Variants in ZNF280D observed in about 807,000 individuals in gnomAD.
The protein encoded by ZNF280D is suppressor of hairy wing homolog 4.
ZNF280D carries 39 observed loss-of-function variants against 94.7 expected under a neutral mutation model. The observed-to-expected ratio is 0.41, with a 90% CI of 0.32 to 0.54. ZNF280D has a LOEUF of 0.54. Among genes scored for constraint, ZNF280D ranks in the 20% least tolerant of loss-of-function variants. ZNF280D has a pLI of 0.22. For missense variants in ZNF280D, 1,090 were observed against 1,149.3 expected (o/e 0.95, Z 0.75); for synonymous variants, 398 against 377.6 (o/e 1.05, Z -0.63).
intron 19 of ZNF280D, chr15:56,653,040 G>C: frequency 4.1e-6 from 4 of 967,418 alleles, no homozygotes; most frequent in Non-Finnish European, 4.9e-6. Flanking sequence ...CAAAATGCAA[G>C]AATCGGTATT....
At chr15:56,718,331 C>T (rs944252467) in intron 1 of ZNF280D, among the ~76,000 whole-genome samples, 1 of 151,980 alleles carries the variant, frequency 6.6e-6, no homozygotes, top group Non-Finnish European at 1.5e-5. Flanking sequence ...AAGTAACAGC[C>T]AACAATCTTA....
At position 56,638,734 on chromosome 15, in the gene ZNF280D, T is replaced by G. The variant is rs1035740978; in HGVS notation, c.2260-3484A>C. Reference sequence around the variant, plus strand: ...TTATTATTTTTATTTTTGACAATAGTTTTAAAATATCATTATTTCAATTTC... The same window carrying G: ...TTATTATTTTTATTTTTGACAATAGGTTTAAAATATCATTATTTCAATTTC... On this transcript the variant is annotated intron_variant, in intron 20 of 21. Transcript: ENST00000267807. Among the ~76,000 whole-genome samples, 5 of 152,304 alleles carry G rather than the reference T, an allele frequency of 3.3e-5. No homozygotes were observed. In the South Asian group the frequency reaches 1.0e-3, roughly 32 times the overall value.
At chr15:56,728,116 A>G (rs1346391083) in intron 1 of ZNF280D, among the ~76,000 whole-genome samples, 1 of 151,860 alleles carries the variant, frequency 6.6e-6, no homozygotes, top group Non-Finnish European at 1.5e-5. Flanking sequence ...ACTGCAACCC[A>G]GACCTGAAGC....
In ZNF280D at chr15:56,709,619, T is replaced by A. The variant is rs907138865; in HGVS notation, c.-85-2313A>T. Among the ~76,000 whole-genome samples the A allele has an allele frequency of 7.2e-5, 11 of 152,156 alleles. No homozygotes were observed. The East Asian group carries it at 1.7e-3, about 24-fold the overall frequency. Reference sequence around the variant, plus strand: ...GACTTGGAACCAACCCAAATGTCCATCAACGATAGATTGGATTAAGAAAAT... The same window carrying A: ...GACTTGGAACCAACCCAAATGTCCAACAACGATAGATTGGATTAAGAAAAT... On this transcript the variant is annotated intron_variant, in intron 1 of 21. Coordinates refer to ENST00000267807, the MANE Select transcript of ZNF280D (RefSeq NM_017661.4).
intron 3 of ZNF280D, among the ~76,000 whole-genome samples, chr15:56,706,575 C>T (rs2057417026): frequency 6.6e-6 from 1 of 152,056 alleles, no homozygotes; most frequent in African/African-American, 2.4e-5. Context: ...CAGAAGAAAT[C>T]AATCCTAACG....
intron 17 of ZNF280D, among the ~76,000 whole-genome samples, chr15:56,656,699 A>G (rs893625668): frequency 1.3e-5 from 2 of 152,204 alleles, no homozygotes; most frequent in Admixed American, 6.5e-5. Context: ...TAATTTATTC[A>G]ACAAATATTT....
At chr15:56,659,411 T>G (rs1211048031) in intron 16 of ZNF280D, among the ~76,000 whole-genome samples, 1 of 152,130 alleles carries the variant, frequency 6.6e-6, no homozygotes, top group Non-Finnish European at 1.5e-5. Context: ...TTTCACTTTC[T>G]GTGGCTTCTG....
chr15:56,725,346 C>T (rs2058578877), intron 1 of ZNF280D, among the ~76,000 whole-genome samples: 1 of 151,834 alleles, frequency 6.6e-6, no homozygotes, highest in Non-Finnish European at 1.5e-5. Flanking sequence ...AAACCCCAAA[C>T]CTGAGAAATT....
intron 6 of ZNF280D, chr15:56,700,190 A>C: frequency 5.1e-6 from 5 of 977,766 alleles, no homozygotes; most frequent in Non-Finnish European, 6.1e-6. Flanking sequence ...ACATTTATAC[A>C]CAACATATAT....
intron 9 of ZNF280D, among the ~76,000 whole-genome samples, chr15:56,688,390 C>G (rs545020592): frequency 2.0e-5 from 3 of 149,428 alleles, no homozygotes; most frequent in Admixed American, 1.4e-4. Context: ...ACTTGGGAGG[C>G]TGAGGCAGGA....
At chr15:56,728,462 C>G (rs2058734410) in intron 1 of ZNF280D, among the ~76,000 whole-genome samples, 1 of 152,174 alleles carries the variant, frequency 6.6e-6, no homozygotes, top group South Asian at 2.1e-4. Flanking sequence ...ATTGAAAAAT[C>G]TTGCAATTGT....
intron 17 of ZNF280D, among the ~76,000 whole-genome samples, chr15:56,655,919 T>C (rs766572800): frequency 8.5e-5 from 13 of 152,314 alleles, no homozygotes; most frequent in East Asian, 1.9e-4. Context: ...CTAAAGTAAT[T>C]TGAATTGTAA....
intron 1 of ZNF280D, among the ~76,000 whole-genome samples, chr15:56,710,113 C>G (rs1032986216): frequency 6.6e-6 from 1 of 152,144 alleles, no homozygotes; most frequent in Non-Finnish European, 1.5e-5. Flanking sequence ...TTTAAGACAG[C>G]CCGAAAAGGA....
At chr15:56,647,385 G>A (rs1289163218) in intron 19 of ZNF280D, among the ~76,000 whole-genome samples, 1 of 152,146 alleles carries the variant, frequency 6.6e-6, no homozygotes, top group African/African-American at 2.4e-5. Flanking sequence ...TCGAAGAAGG[G>A]AGAAAGCATT....
At chr15:56,675,401 C>T (rs1596460573) in intron 13 of ZNF280D, among the ~76,000 whole-genome samples, 1 of 150,998 alleles carries the variant, frequency 6.6e-6, no homozygotes, top group African/African-American at 2.4e-5. Context: ...AAATTCTGTT[C>T]ATAAAGAAAT....
At chr15:56,639,791 A>G (rs2052535917) in intron 20 of ZNF280D, among the ~76,000 whole-genome samples, 1 of 152,160 alleles carries the variant, frequency 6.6e-6, no homozygotes, top group Non-Finnish European at 1.5e-5. Flanking sequence ...AATGATGAGT[A>G]AGCCAAGAAA....
intron 20 of ZNF280D, among the ~76,000 whole-genome samples, chr15:56,638,704 T>C (rs1347167320): frequency 1.3e-5 from 2 of 152,190 alleles, no homozygotes; most frequent in Non-Finnish European, 2.9e-5. Context: ...TATGTTAACA[T>C]ATATTTATTA....
chr15:56,641,244 G>GT (rs2052613132), intron 20 of ZNF280D, among the ~76,000 whole-genome samples: 1 of 151,846 alleles, frequency 6.6e-6, no homozygotes, highest in South Asian at 2.1e-4. Flanking sequence ...TTCAATTGTT[G>GT]TAAGCAAAGG....
chr15:56,707,312 A>C lies in ZNF280D; in HGVS notation c.-85-6T>G. On this transcript the variant is annotated splice_region_variant and splice_polypyrimidine_tract_variant and intron_variant, in intron 1 of 21. Transcript: ENST00000267807. Reference sequence around the variant, plus strand: ...AGTTATTTCTGTTTTCCTTCCTATAAAATAAAGATACCAACTATTAGGGTG... The same window carrying C: ...AGTTATTTCTGTTTTCCTTCCTATACAATAAAGATACCAACTATTAGGGTG... 9.8e-6 allele frequency: 15 copies of C among 1,524,712 alleles called. No homozygotes were observed. Among genetic ancestry groups the C allele is most frequent in the Non-Finnish European group, 1.3e-5 (15 of 1,139,502 alleles). The allele number at this position is 1,524,712 out of a possible 1,614,324, so 94.4% of individuals were successfully genotyped here.
Sources: gnomAD v4.1 joint callset for allele counts (sites outside exome capture counted in the v4.1 genomes callset) on GRCh38, gnomAD v4.1.1 for gene constraint, MANE v1.5 for transcripts, NCBI Gene and HGNC (gene_info 2026-07-23, HGNC 2026-07-21) for gene names.